CACNA1C: variants seen among roughly 807,000 people sequenced by gnomAD.
CACNA1C encodes the protein calcium voltage-gated channel subunit alpha1 C.
CACNA1C carries 30 observed loss-of-function variants against 229.0 expected under a neutral mutation model. The ratio of observed to expected loss-of-function variants is 0.13; its 90% CI spans 0.10 to 0.18. CACNA1C has a LOEUF of 0.18. Ranked by LOEUF, CACNA1C falls within the 10% of genes least tolerant of loss-of-function variation. The probability of loss-of-function intolerance (pLI) is 1.00; values close to 1 mark genes in which losing one functional copy is unlikely to be tolerated. For missense variants in CACNA1C, 1,658 were observed against 2,845.0 expected (o/e 0.58, Z 9.49); for synonymous variants, 1,114 against 1,132.5 (o/e 0.98, Z 0.33).
At chr12:2,438,304 G>GGTT (rs2099170055) in intron 3 of CACNA1C, among the ~76,000 whole-genome samples, 2 of 147,680 alleles carry the variant, frequency 1.4e-5, no homozygotes, top group African/African-American at 5.0e-5. Context: ...TGGTGGTGGT[G>GGTT]GTGGTGGTTG....
chr12:2,522,383 G>T (rs949866835), intron 9 of CACNA1C, among the ~76,000 whole-genome samples: 10 of 152,158 alleles, frequency 6.6e-5, no homozygotes, highest in Non-Finnish European at 1.2e-4. Flanking sequence ...TCGGATCAGA[G>T]AATTAAGGTC....
At chr12:2,442,696 A>G (rs544796331) in intron 3 of CACNA1C, among the ~76,000 whole-genome samples, 5 of 152,336 alleles carry the variant, frequency 3.3e-5, no homozygotes, top group East Asian at 3.9e-4. Flanking sequence ...TACAGGAAGC[A>G]TAGTGCCATC....
At chr12:2,505,384 G>A (rs913236201) in intron 8 of CACNA1C, among the ~76,000 whole-genome samples, 1 of 152,068 alleles carries the variant, frequency 6.6e-6, no homozygotes, top group South Asian at 2.1e-4. Flanking sequence ...ACCCTTAACT[G>A]TTTAAAGCCA....
rs202027411 is a variant in CACNA1C at position 2,512,926 on chromosome 12, C to G, written c.1332C>G (p.Ala444=). ...GCTACCTGGATTGGATCACTCAGGC[C>G]GAAGACATCGATCCTGAGAATGAGG... ...LKGYLDWITQ[A]EDIDPENEDE... Residue 444 remains alanine (A), a synonymous_variant, in exon 9 of 47, where the codon GCC becomes GCG. Transcript: ENST00000399655. This position sits in a 1 kb window ranked among gnomAD's most constrained non-coding sequence, Gnocchi z 4.3. 1.1e-5 allele frequency: 18 copies of G among 1,611,718 alleles called. No individual in the cohort carries two copies. The highest frequency in any genetic ancestry group is 1.7e-6 in the Non-Finnish European group (2 of 1,178,912).
intron 29 of CACNA1C, among the ~76,000 whole-genome samples, chr12:2,619,595 C>A (rs138810603): frequency 1.3e-5 from 2 of 152,224 alleles, no homozygotes; most frequent in African/African-American, 4.8e-5. Context: ...AGCATCTAAA[C>A]TATCACTCCC....
intron 1 of CACNA1C, among the ~76,000 whole-genome samples, chr12:1,980,326 G>C (rs1468252006): frequency 6.6e-6 from 1 of 152,162 alleles, no homozygotes; most frequent in Non-Finnish European, 1.5e-5. Context: ...CAAAGTACCT[G>C]AGGAATCATG....
At chr12:2,074,463 C>T (rs12823632) in intron 1 of CACNA1C, among the ~76,000 whole-genome samples, 72,003 of 151,938 alleles carry the variant, frequency 0.47, 18,223 homozygotes, top group Non-Finnish European at 0.59. Context: ...TCTGACTTGC[C>T]GAAAGTTGAA....
chr12:2,171,971 C>T (rs1566124911), intron 3 of CACNA1C, among the ~76,000 whole-genome samples: 1 of 152,170 alleles, frequency 6.6e-6, no homozygotes, highest in Non-Finnish European at 1.5e-5. Flanking sequence ...CAGATGACCA[C>T]AGGGCCCTAT....
intron 10 of CACNA1C, chr12:2,550,443 T>A: frequency 9.8e-7 from 1 of 1,024,704 alleles, no homozygotes; most frequent in Non-Finnish European, 1.3e-6. Flanking sequence ...ACCCTTTCCA[T>A]TCTGATAAAT....
chr12:2,554,921 T>TAAA (rs1452024957), intron 10 of CACNA1C, among the ~76,000 whole-genome samples: 1 of 152,160 alleles, frequency 6.6e-6, no homozygotes, highest in Admixed American at 6.5e-5. Context: ...TGCCAGCCTT[T>TAAA]AAAAGCGGAT....
chr12:2,582,285 G>GA (rs1013707895), intron 14 of CACNA1C, among the ~76,000 whole-genome samples: 3 of 152,056 alleles, frequency 2.0e-5, no homozygotes, highest in African/African-American at 7.2e-5. Flanking sequence ...CTTGTCTCTT[G>GA]AAAAAAATAT....
chr12:2,227,210 A>C (rs1157079673), intron 3 of CACNA1C, among the ~76,000 whole-genome samples: 2 of 152,188 alleles, frequency 1.3e-5, no homozygotes, highest in Non-Finnish European at 2.9e-5. Flanking sequence ...ACCAGGACCA[A>C]CTTTCTGGAA....
chr12:2,640,913 C>T (rs1292830049), intron 30 of CACNA1C, among the ~76,000 whole-genome samples: 1 of 152,240 alleles, frequency 6.6e-6, no homozygotes, highest in Non-Finnish European at 1.5e-5. Context: ...GGTGAGTCAG[C>T]TCAGCCTGCA....
At position 1,992,585 on chromosome 12, in the gene CACNA1C, T is replaced by C. The variant is rs12816815; in HGVS notation, c.139+21384T>C. 7.0e-3 allele frequency: 1,093 copies of C among 156,084 alleles called. 9 individuals carry two copies. The highest frequency in any genetic ancestry group is 0.016 in the Admixed American group (253 of 16,000). 9.7% of individuals were successfully genotyped at this position (156,084 alleles called of 1,614,324 possible). A position where few individuals can be genotyped will look rare whatever the true frequency, so the allele number is the denominator to read the frequency against. Reference sequence around the variant, plus strand: ...TGTAGAGATGTCCCTGCAACTGGCATATTTTCAGCAATCTTCCTCTGGGCT... The same window carrying C: ...TGTAGAGATGTCCCTGCAACTGGCACATTTTCAGCAATCTTCCTCTGGGCT... On this transcript the variant is annotated intron_variant, in intron 1 of 46. Transcript: ENST00000682462.
chr12:2,388,039 G>C (rs1455805408), intron 3 of CACNA1C, among the ~76,000 whole-genome samples: 4 of 152,100 alleles, frequency 2.6e-5, no homozygotes, highest in African/African-American at 9.7e-5. Context: ...AGAAGGGAGG[G>C]GTTTCAGAAG....
intron 3 of CACNA1C, among the ~76,000 whole-genome samples, chr12:2,391,960 C>T (rs529902761): frequency 5.3e-5 from 8 of 152,240 alleles, no homozygotes; most frequent in Non-Finnish European, 1.0e-4. Flanking sequence ...ACAGAGCGTT[C>T]CCGTGTTTGC....
Position 2,192,564 on chromosome 12 carries a change from C to T in CACNA1C, c.477+72134C>T, listed in dbSNP as rs567518351. Among the ~76,000 whole-genome samples, 7 of 152,346 alleles carry T rather than the reference C, an allele frequency of 4.6e-5. No homozygotes were observed. The South Asian group carries it at 1.0e-3, about 23-fold the overall frequency. On this transcript the variant is annotated intron_variant, in intron 3 of 46. Coordinates refer to ENST00000399655, the MANE Select transcript of CACNA1C (RefSeq NM_000719.7). ...CTCAGAAGGCAGAAGCTAATTGTGT[C>T]GGTTTTAAGTACTTTTTCCTTTTAT...
At chr12:2,394,507 T>C (rs969458372) in intron 3 of CACNA1C, among the ~76,000 whole-genome samples, 2 of 152,222 alleles carry the variant, frequency 1.3e-5, no homozygotes, top group Non-Finnish European at 2.9e-5. Context: ...CTGGAGAGAA[T>C]GGCCACCTTC....
intron 3 of CACNA1C, among the ~76,000 whole-genome samples, chr12:2,150,923 C>G (rs900071216): frequency 2.6e-5 from 4 of 152,164 alleles, no homozygotes; most frequent in Non-Finnish European, 4.4e-5. Flanking sequence ...TGGTCAACGC[C>G]ACTTCTGGGC....
Sources: allele counts gnomAD v4.1 joint callset (sites outside exome capture counted in the v4.1 genomes callset), GRCh38; gene constraint gnomAD v4.1.1; non-coding constraint Gnocchi (gnomAD v3.1); transcripts MANE v1.5; gene names NCBI Gene and HGNC (gene_info 2026-07-23, HGNC 2026-07-21).